Variants in DMD observed in about 807,000 individuals in gnomAD.
DMD encodes mutant dystrophin.
Under a neutral mutation model 330.1 loss-of-function variants are expected in DMD, and 63 were observed. That is an observed-to-expected ratio of 0.19 (90% CI 0.16 to 0.24). The LOEUF (loss-of-function observed/expected upper bound fraction) is 0.24. DMD is among the 10% of genes least tolerant of loss of function. The probability of loss-of-function intolerance (pLI) is 1.00; values close to 1 mark genes in which losing one functional copy is unlikely to be tolerated. For synonymous variants in DMD, 1,223 were observed against 959.8 expected (o/e 1.27, Z -5.07); for missense variants, 3,344 against 2,684.1 (o/e 1.25, Z -5.43).
chrX:31,740,428 GAAGA>G (rs1366668700), intron 51 of DMD, among the ~76,000 whole-genome samples: 2 of 111,767 alleles, frequency 1.8e-5, no homozygotes, highest in African/African-American at 6.5e-5. Flanking sequence ...ACACATTTTA[GAAGA>G]AAGAGAGACA....
At chrX:31,913,240 A>G (rs2094567812) in intron 47 of DMD, among the ~76,000 whole-genome samples, 1 of 112,165 alleles carries the variant, frequency 8.9e-6, no homozygotes, top group Admixed American at 9.4e-5. Flanking sequence ...GGTTTGTTGC[A>G]TAGCATATAT....
intron 44 of DMD, among the ~76,000 whole-genome samples, chrX:32,050,910 G>A (rs1469749652): frequency 1.8e-5 from 2 of 108,415 alleles, no homozygotes; most frequent in African/African-American, 3.4e-5. Context: ...TATGAATAAC[G>A]TGAATCATGT....
intron 49 of DMD, among the ~76,000 whole-genome samples, chrX:31,821,188 C>T (rs2092748006): frequency 8.9e-6 from 1 of 112,840 alleles, no homozygotes; most frequent in African/African-American, 3.2e-5. Context: ...GAATTAAGTC[C>T]TAACGCCCTA....
intron 29 of DMD, among the ~76,000 whole-genome samples, chrX:32,430,659 A>C (rs1348037827): frequency 1.8e-5 from 2 of 111,753 alleles, no homozygotes; most frequent in Non-Finnish European, 3.8e-5. Flanking sequence ...TCTAGGAATT[A>C]TCTATATTGT....
intron 66 of DMD, among the ~76,000 whole-genome samples, chrX:31,204,938 T>C (rs930874174): frequency 1.8e-5 from 2 of 112,075 alleles, no homozygotes; most frequent in East Asian, 2.8e-4. Flanking sequence ...TTCTAATTAA[T>C]AGCTCACATC....
At position 33,247,763 on chromosome X, in the gene DMD, T is replaced by C. The variant is rs144379158; in HGVS notation, c.7+91496A>G. On this transcript the variant is annotated intron_variant, in intron 1 of 17. Transcript: ENST00000288447. Reference sequence around the variant, plus strand: ...CACAGCTGTAGATGCAAATGAAGTATATTTATTAACTAACAAATGCTATAA... The same window carrying C: ...CACAGCTGTAGATGCAAATGAAGTACATTTATTAACTAACAAATGCTATAA... Among the ~76,000 whole-genome samples, 365 of 112,113 alleles carry C rather than the reference T, an allele frequency of 3.3e-3. 1 individual carries two copies. The highest frequency in any genetic ancestry group is 0.011 in the African/African-American group (342 of 30,952).
intron 4 of DMD, among the ~76,000 whole-genome samples, chrX:32,830,851 TCCAGTAG>T (rs1186270828): frequency 5.4e-5 from 6 of 110,995 alleles, no homozygotes; most frequent in African/African-American, 2.0e-4. Flanking sequence ...TTATTGTGAC[TCCAGTAG>T]AATATTAAAA....
intron 76 of DMD, among the ~76,000 whole-genome samples, chrX:31,136,744 A>G (rs1432567676): frequency 8.9e-6 from 1 of 112,492 alleles, no homozygotes; most frequent in African/African-American, 3.2e-5. Context: ...CAAATTATAA[A>G]GTATAAACCT....
intron 49 of DMD, among the ~76,000 whole-genome samples, chrX:31,831,119 T>C (rs747573680): frequency 8.5e-4 from 96 of 112,346 alleles, no homozygotes; most frequent in Non-Finnish European, 1.5e-3. Context: ...TGAAGTGTTT[T>C]ACGCTCTTGC....
At chrX:32,984,219 G>T (rs1187426643) in intron 2 of DMD, among the ~76,000 whole-genome samples, 1 of 112,129 alleles carries the variant, frequency 8.9e-6, no homozygotes, top group Non-Finnish European at 1.9e-5. Flanking sequence ...CATGGAGTGT[G>T]TGAGTGTAGG....
In DMD at chrX:31,788,133, G is replaced by C. The variant is rs900171487; in HGVS notation, c.7310-13941C>G. On this transcript the variant is annotated intron_variant, in intron 50 of 78. Transcript: ENST00000357033. Reference sequence around the variant, plus strand: ...ACATACTTCCTATTGTCTTGGACTTGAATCTCATTGTCTTAATCCTTTTGA... The same window carrying C: ...ACATACTTCCTATTGTCTTGGACTTCAATCTCATTGTCTTAATCCTTTTGA... 7.2e-5 allele frequency among the ~76,000 whole-genome samples: 8 copies of C among 111,840 alleles called. No homozygotes were observed. In the Admixed American group the frequency reaches 7.6e-4, roughly 11 times the overall value.
chrX:32,613,439 A>G (rs1471776554), intron 12 of DMD, among the ~76,000 whole-genome samples: 5 of 110,828 alleles, frequency 4.5e-5, no homozygotes, highest in African/African-American at 6.5e-5. Flanking sequence ...AATAACAGAA[A>G]CAAAAAAAAA....
At chrX:31,189,831 G>A (rs2042145102) in intron 67 of DMD, among the ~76,000 whole-genome samples, 1 of 112,354 alleles carries the variant, frequency 8.9e-6, no homozygotes, top group Non-Finnish European at 1.9e-5. Context: ...ACATACACTT[G>A]TAAAGATTTT....
At chrX:33,314,977 C>A (rs1045509229) in intron 1 of DMD, among the ~76,000 whole-genome samples, 3 of 110,719 alleles carry the variant, frequency 2.7e-5, no homozygotes, top group Admixed American at 9.6e-5. Context: ...CACCACCATG[C>A]CTGGCTAATT....
chrX:31,871,496 A>G (rs1198441491), intron 48 of DMD, among the ~76,000 whole-genome samples: 1 of 110,207 alleles, frequency 9.1e-6, no homozygotes, highest in East Asian at 2.9e-4. Context: ...GGTATTACAT[A>G]TTTTTCTAAC....
intron 50 of DMD, among the ~76,000 whole-genome samples, chrX:31,805,928 G>T (rs758878798): frequency 8.9e-6 from 1 of 112,218 alleles, no homozygotes; most frequent in Non-Finnish European, 1.9e-5. Flanking sequence ...CGGCTTGTGG[G>T]CCAAATCCAA....
intron 29 of DMD, among the ~76,000 whole-genome samples, chrX:32,436,574 C>T (rs2098262186): frequency 9.0e-6 from 1 of 111,261 alleles, no homozygotes; most frequent in Non-Finnish European, 1.9e-5. Flanking sequence ...TAAAGGATTG[C>T]AATATAATTA....
chrX:32,850,695 A>G (rs896781934), intron 2 of DMD, among the ~76,000 whole-genome samples: 2 of 111,438 alleles, frequency 1.8e-5, no homozygotes, highest in African/African-American at 6.5e-5. Context: ...CTACTATTTG[A>G]TTATCTTTCT....
intron 51 of DMD, among the ~76,000 whole-genome samples, chrX:31,770,784 T>G (rs1369413379): frequency 8.9e-6 from 1 of 112,037 alleles, no homozygotes; most frequent in Non-Finnish European, 1.9e-5. Context: ...TCTATCTACC[T>G]CACAGTAATG....
Sources: allele counts gnomAD v4.1 joint callset (sites outside exome capture counted in the v4.1 genomes callset), GRCh38; gene constraint gnomAD v4.1.1; transcripts MANE v1.5; gene names NCBI Gene and HGNC (gene_info 2026-07-23, HGNC 2026-07-21).